The following ATP2C1 variants were observed in gnomAD, a reference collection of about 807,000 sequenced individuals.
ATP2C1 encodes the protein ATPase secretory pathway Ca2+ transporting 1.
ATP2C1 carries 31 observed loss-of-function variants against 120.5 expected under a neutral mutation model. That is an observed-to-expected ratio of 0.26 (90% confidence interval 0.19 to 0.35). The LOEUF (loss-of-function observed/expected upper bound fraction) is 0.35. ATP2C1 is among the 10% of genes least tolerant of loss of function. The probability of loss-of-function intolerance (pLI) is 1.00; values close to 1 mark genes in which losing one functional copy is unlikely to be tolerated. For synonymous variants in ATP2C1, 351 were observed against 358.7 expected, an observed-to-expected ratio of 0.98 and a Z score of 0.24; for missense variants, 731 against 1,107.5, an observed-to-expected ratio of 0.66 and a Z score of 4.83.
At chr3:130,864,255 C>G (rs2068100545) in intron 1 of ATP2C1, among the ~76,000 whole-genome samples, 1 of 152,112 alleles carries the variant, frequency 6.6e-6, no homozygotes, top group Non-Finnish European at 1.5e-5. Flanking sequence ...TGCCTCTGCC[C>G]TAGAGATTTG....
At chr3:130,913,806 A>G (rs934853425) in intron 2 of ATP2C1, among the ~76,000 whole-genome samples, 6 of 152,196 alleles carry the variant, frequency 3.9e-5, no homozygotes, top group East Asian at 3.8e-4. Context: ...ATATTGTACA[A>G]TAGTTAAGAA....
At chr3:130,956,035 G>GC (rs2108566600) in intron 10 of ATP2C1, 69 bp from the exon 11 acceptor site, 1 of 1,051,574 alleles carries the variant, frequency 9.5e-7, no homozygotes, top group South Asian at 1.3e-5. Flanking sequence ...CACTTAGCAA[G>GC]CCCCTGGCAC....
At chr3:130,992,178 C>A (rs541121369) in intron 20 of ATP2C1, among the ~76,000 whole-genome samples, 1 of 151,986 alleles carries the variant, frequency 6.6e-6, no homozygotes, top group Non-Finnish European at 1.5e-5. Flanking sequence ...TAGCGGATAC[C>A]GTGTTCCACC....
intron 2 of ATP2C1, among the ~76,000 whole-genome samples, chr3:130,897,572 T>C (rs1445416463): frequency 6.6e-6 from 1 of 152,156 alleles, no homozygotes; most frequent in Non-Finnish European, 1.5e-5. Flanking sequence ...CAGTGTAGAA[T>C]TGATAGTGTT....
intron 1 of ATP2C1, among the ~76,000 whole-genome samples, chr3:130,854,461 T>C (rs982679371): frequency 2.6e-5 from 4 of 152,208 alleles, no homozygotes; most frequent in Non-Finnish European, 4.4e-5. Flanking sequence ...ATCCAGCACC[T>C]GGCTCAGATG....
At chr3:131,007,259 G>C (rs575637042), downstream of ATP2C1, among the ~76,000 whole-genome samples, 3 of 152,210 alleles carry the variant, frequency 2.0e-5, no homozygotes, top group Non-Finnish European at 4.4e-5. Flanking sequence ...TGCTTGCACA[G>C]CTGCTCCAGG....
chr3:130,919,702 A>C (rs1282304687), intron 2 of ATP2C1, among the ~76,000 whole-genome samples: 2 of 152,160 alleles, frequency 1.3e-5, no homozygotes, highest in African/African-American at 4.8e-5. Flanking sequence ...CTTTTGGATA[A>C]ATACCCCAAA....
intron 20 of ATP2C1, among the ~76,000 whole-genome samples, chr3:130,986,611 C>G (rs1247917996): frequency 6.6e-6 from 1 of 152,084 alleles, no homozygotes; most frequent in Non-Finnish European, 1.5e-5. Flanking sequence ...AGACCTAAGC[C>G]CTGTCAGAAG....
Position 130,955,870 on chromosome 3 carries a change from C to G in ATP2C1, c.757-234C>G, listed in dbSNP as rs892123166. ...GAAGCATAGAGAGAACGGACCTTTT[C>G]AAATAATAAACAGGTTTTTAAAAAT... On this transcript the variant is annotated intron_variant, in intron 10 of 27. Coordinates refer to ENST00000510168, the MANE Select transcript of ATP2C1 (RefSeq NM_001378687.1). 78 of 430,126 alleles carry G rather than the reference C, an allele frequency of 1.8e-4. 1 individual carries two copies. Among genetic ancestry groups the G allele is most frequent in the African/African-American group, 1.5e-3 (74 of 49,408 alleles). 26.6% of individuals were successfully genotyped at this position (430,126 alleles called of 1,614,324 possible). A position where few individuals can be genotyped will look rare whatever the true frequency, so the allele number is the denominator to read the frequency against.
chr3:130,930,184 T>C (rs2059393617), intron 2 of ATP2C1: 1 of 503,384 alleles, frequency 2.0e-6, no homozygotes, highest in Non-Finnish European at 3.6e-6. Flanking sequence ...ATGTGAAAAT[T>C]TTGTGTTCTA....
chr3:130,930,653 A>C, intron 3 of ATP2C1, 127 bp downstream of exon 3: 1 of 724,140 alleles, frequency 1.4e-6, no homozygotes. Context: ...CATTCAGCAT[A>C]GTAGCCACAA....
At chr3:130,893,901 C>T (rs766593996), upstream of ATP2C1, 179 of 983,968 alleles carry the variant, frequency 1.8e-4, no homozygotes, top group Non-Finnish European at 2.1e-4. Context: ...CATTCCGGGC[C>T]GAAGTCTCGG....
At chr3:130,981,821 C>A (rs915594895) in intron 20 of ATP2C1, among the ~76,000 whole-genome samples, 6 of 152,190 alleles carry the variant, frequency 3.9e-5, no homozygotes, top group Admixed American at 3.9e-4. Context: ...TGTTGAATAT[C>A]TTTTCATATG....
At chr3:130,953,708 G>A (rs1029097095) in intron 8 of ATP2C1, 113 bp from the exon 9 acceptor site, 19 of 1,062,814 alleles carry the variant, frequency 1.8e-5, no homozygotes, top group Non-Finnish European at 2.6e-5. Context: ...GATACAAGAT[G>A]TGGCTAATCA....
At chr3:130,957,975 G>A (rs971124447) in intron 11 of ATP2C1, among the ~76,000 whole-genome samples, 2 of 152,054 alleles carry the variant, frequency 1.3e-5, no homozygotes, top group Admixed American at 6.6e-5. Flanking sequence ...TTGTTTTACT[G>A]GTGTGTATGC....
chr3:130,936,443 T>A (rs2059673572), intron 5 of ATP2C1, among the ~76,000 whole-genome samples: 1 of 152,196 alleles, frequency 6.6e-6, no homozygotes, highest in Non-Finnish European at 1.5e-5. Flanking sequence ...GCAGATTACC[T>A]TTAAGTAACT....
At chr3:130,997,953 G>A (rs1260653377) in intron 25 of ATP2C1, among the ~76,000 whole-genome samples, 200 bp downstream of exon 25, 1 of 152,110 alleles carries the variant, frequency 6.6e-6, no homozygotes, top group Non-Finnish European at 1.5e-5. Context: ...GAATAAATCT[G>A]CAGAGAAGTA....
chr3:130,998,092 GTTT>G (rs1055604684), intron 25 of ATP2C1, among the ~76,000 whole-genome samples, 199 bp from the exon 26 acceptor site: 1 of 148,648 alleles, frequency 6.7e-6, no homozygotes, highest in Non-Finnish European at 1.5e-5. Flanking sequence ...TTCATGAGAA[GTTT>G]TTTTTTTACT....
chr3:130,892,977 C>T (rs761900497), upstream of ATP2C1, among the ~76,000 whole-genome samples: 18 of 152,178 alleles, frequency 1.2e-4, no homozygotes, highest in Non-Finnish European at 2.2e-4. Flanking sequence ...TGTAAAGTGT[C>T]TAAGTGTTGA....
Sources: allele counts gnomAD v4.1 joint callset (sites outside exome capture counted in the v4.1 genomes callset), GRCh38; gene constraint gnomAD v4.1.1; transcripts MANE v1.5; gene names NCBI Gene and HGNC (gene_info 2026-07-23, HGNC 2026-07-21).